The following RASGRF2 variants were observed in gnomAD, a reference collection of about 807,000 sequenced individuals.
RASGRF2 encodes ras-specific guanine nucleotide-releasing factor 2.
A neutral mutation model predicts 151.0 loss-of-function variants in RASGRF2; 76 were observed. The ratio of observed to expected loss-of-function variants is 0.50; its 90% CI spans 0.42 to 0.61. The LOEUF (loss-of-function observed/expected upper bound fraction) is 0.61, where lower values mean the gene tolerates loss of function less well. Ranked by LOEUF, RASGRF2 falls within the 20% of genes least tolerant of loss-of-function variation. RASGRF2 has a pLI of 0.00. For missense variants in RASGRF2, 1,148 were observed against 1,564.6 expected (o/e 0.73, Z 4.49); for synonymous variants, 504 against 566.5 (o/e 0.89, Z 1.57).
intron 12 of RASGRF2, among the ~76,000 whole-genome samples, chr5:81,103,244 C>T (rs1752750529): frequency 6.6e-6 from 1 of 151,546 alleles, no homozygotes; most frequent in Non-Finnish European, 1.5e-5. Context: ...GATTAAGAGC[C>T]AGGTTATATA....
intron 1 of RASGRF2, among the ~76,000 whole-genome samples, chr5:81,023,567 A>G (rs1176213329): frequency 6.6e-6 from 1 of 152,078 alleles, no homozygotes; most frequent in Non-Finnish European, 1.5e-5. Context: ...GCAGTGTTTG[A>G]TTTTTTTGTG....
chr5:81,094,023 T>G (rs1363388870), intron 10 of RASGRF2, among the ~76,000 whole-genome samples: 1 of 152,182 alleles, frequency 6.6e-6, no homozygotes, highest in Non-Finnish European at 1.5e-5. Context: ...CTAAAGCCAC[T>G]GTGGTACCAT....
rs557343095 is a variant in RASGRF2, at chr5:81,115,480, G to A, written c.2470+1560G>A. On this transcript the variant is annotated intron_variant, in intron 15 of 26. Transcript: ENST00000265080. The stretch of plus-strand genomic sequence containing the variant: ...CCCTGTGGAGGGAATGACTGGAATG[G>A]GGCATGGGGGTATGGGAAGTACAGG... Among the ~76,000 whole-genome samples the A allele has an allele frequency of 2.6e-5, 4 of 152,284 alleles. No homozygotes were observed. In the South Asian group the frequency reaches 6.2e-4, roughly 24 times the overall value.
Position 81,055,751 on chromosome 5 carries a change from G to T in RASGRF2, c.396-12281G>T, listed in dbSNP as rs557315920. 1.1e-4 allele frequency among the ~76,000 whole-genome samples: 17 copies of T among 152,102 alleles called. 1 individual carries two copies. The highest frequency in any genetic ancestry group is 4.2e-4 in the South Asian group (2 of 4,814). On this transcript the variant is annotated intron_variant, in intron 2 of 26. Transcript: ENST00000265080. ...TCTGGTAGAATTCGGCTGTGAATCT[G>T]TCTGGTCCTGGACTTTTTTTGGTTG... is the stretch of plus-strand genomic sequence containing the variant.
Position 81,227,189 on chromosome 5 carries a change from C to T in RASGRF2, c.*1419C>T, listed in dbSNP as rs1756018059. The T allele has an allele frequency of 6.6e-6, 1 of 152,196 alleles. No homozygotes were observed. Among genetic ancestry groups the T allele is most frequent in the African/African-American group, 2.4e-5 (1 of 41,454 alleles). 9.4% of individuals were successfully genotyped at this position (152,196 alleles called of 1,614,324 possible). Reference sequence around the variant, plus strand: ...ATCTGTCTGGCTGCTTTCCCTCTTTCCTTGCACTTTAATTATGTTGCTAGA... The same window carrying T: ...ATCTGTCTGGCTGCTTTCCCTCTTTTCTTGCACTTTAATTATGTTGCTAGA... On this transcript the variant is annotated 3_prime_UTR_variant, in exon 27 of 27. Coordinates refer to ENST00000265080, the MANE Select transcript of RASGRF2 (RefSeq NM_006909.3).
intron 2 of RASGRF2, among the ~76,000 whole-genome samples, chr5:81,065,643 G>C (rs26901): frequency 0.66 from 101,016 of 152,006 alleles, 34,629 homozygotes; most frequent in Non-Finnish European, 0.76. Context: ...CCTTGCCTAC[G>C]CTCTGTTGTT....
At chr5:81,148,114 C>T (rs536175345) in intron 17 of RASGRF2, among the ~76,000 whole-genome samples, 7 of 152,286 alleles carry the variant, frequency 4.6e-5, no homozygotes, top group Admixed American at 1.3e-4. Flanking sequence ...TTCATTACAA[C>T]GAGCCTGTGA....
At position 81,135,642 on chromosome 5, in the gene RASGRF2, A is replaced by G. The variant is rs559758230; in HGVS notation, c.2686+8479A>G. 2.0e-4 allele frequency among the ~76,000 whole-genome samples: 30 copies of G among 152,318 alleles called. No homozygotes were observed. The South Asian group carries it at 5.0e-3, about 25-fold the overall frequency. ...CCTTTTTACTGTGGAATAGTATTCT[A>G]TTGTATGGATATACCACATTTTATT... On this transcript the variant is annotated intron_variant, in intron 17 of 26. Transcript: ENST00000265080.
intron 1 of RASGRF2, among the ~76,000 whole-genome samples, chr5:80,961,499 C>G (rs1747554714): frequency 6.6e-6 from 1 of 152,198 alleles, no homozygotes; most frequent in Admixed American, 6.5e-5. Context: ...GGGCTGGGAA[C>G]AAGCGGGGCT....
chr5:80,961,579 G>A (rs1367291781), intron 1 of RASGRF2, among the ~76,000 whole-genome samples: 1 of 152,164 alleles, frequency 6.6e-6, no homozygotes, highest in Non-Finnish European at 1.5e-5. Context: ...AGTTGGCCTT[G>A]CTAACATTTG....
chr5:80,987,681 A>G (rs1190235520), intron 1 of RASGRF2, among the ~76,000 whole-genome samples: 1 of 152,174 alleles, frequency 6.6e-6, no homozygotes, highest in Non-Finnish European at 1.5e-5. Flanking sequence ...TAAAGTCAGA[A>G]TAGTGATGAG....
At chr5:81,093,768 A>G (rs1163008402) in intron 10 of RASGRF2, among the ~76,000 whole-genome samples, 2 of 152,098 alleles carry the variant, frequency 1.3e-5, no homozygotes, top group East Asian at 3.9e-4. Flanking sequence ...AGCCATGCGC[A>G]TGTCTTTGTG....
At chr5:80,996,288 CAGTTA>C (rs1319080853) in intron 1 of RASGRF2, among the ~76,000 whole-genome samples, 1 of 151,844 alleles carries the variant, frequency 6.6e-6, no homozygotes, top group Admixed American at 6.6e-5. Flanking sequence ...CAGGCATGAC[CAGTTA>C]AGTTATTTTG....
intron 22 of RASGRF2, among the ~76,000 whole-genome samples, chr5:81,209,874 C>G (rs1174362314): frequency 6.6e-6 from 1 of 152,198 alleles, no homozygotes; most frequent in Non-Finnish European, 1.5e-5. Context: ...TCTCTGTTCT[C>G]AGTCTTGGGT....
At chr5:81,076,172 G>C (rs550120623) in intron 5 of RASGRF2, among the ~76,000 whole-genome samples, 8 of 152,308 alleles carry the variant, frequency 5.3e-5, no homozygotes, top group South Asian at 2.1e-4. Flanking sequence ...GAGAACAGGT[G>C]GTGGGGCGGA....
intron 26 of RASGRF2, among the ~76,000 whole-genome samples, chr5:81,221,101 A>T (rs1163956121): frequency 2.6e-5 from 4 of 152,194 alleles, no homozygotes; most frequent in African/African-American, 9.7e-5. Flanking sequence ...CAGGGGTTAT[A>T]TTATCAACCT....
At chr5:81,196,632 C>T (rs1418616515) in intron 18 of RASGRF2, among the ~76,000 whole-genome samples, 1 of 151,276 alleles carries the variant, frequency 6.6e-6, no homozygotes, top group African/African-American at 2.4e-5. Context: ...TCCCCCCTCC[C>T]CCGTTGAGCC....
At chr5:81,212,240 GA>G in intron 22 of RASGRF2, 125 bp from the exon 23 acceptor site, 1 of 617,544 alleles carries the variant, frequency 1.6e-6, no homozygotes. Flanking sequence ...TCTAAATGTA[GA>G]ATATGATCTT....
intron 1 of RASGRF2, among the ~76,000 whole-genome samples, chr5:81,017,157 G>A (rs1006944762): frequency 1.3e-5 from 2 of 152,192 alleles, no homozygotes; most frequent in African/African-American, 4.8e-5. Flanking sequence ...AGTGTCCTAG[G>A]CAGCCTGGAG....
Sources: gnomAD v4.1 joint callset for allele counts (sites outside exome capture counted in the v4.1 genomes callset) on GRCh38, gnomAD v4.1.1 for gene constraint, MANE v1.5 for transcripts, NCBI Gene and HGNC (gene_info 2026-07-23, HGNC 2026-07-21) for gene names.